ST6GALNAC3: variants seen among roughly 807,000 people sequenced by gnomAD.
The protein encoded by ST6GALNAC3 is alpha-N-acetylgalactosaminide alpha-2,6-sialyltransferase 3.
In ST6GALNAC3, 25 loss-of-function variants were observed where a neutral mutation model predicts 32.7. The observed-to-expected ratio is 0.76, with a 90% CI of 0.56 to 1.07. ST6GALNAC3 has a LOEUF of 1.07. ST6GALNAC3 is among the 50% of genes least tolerant of loss of function. The pLI, the probability that ST6GALNAC3 is intolerant of heterozygous loss-of-function variation, is 0.00. For synonymous variants in ST6GALNAC3, 129 were observed against 133.1 expected, an observed-to-expected ratio of 0.97 and a Z score of 0.21; for missense variants, 355 against 382.4, an observed-to-expected ratio of 0.93 and a Z score of 0.60.
intron 3 of ST6GALNAC3, among the ~76,000 whole-genome samples, chr1:76,421,834 T>C (rs1321128957): frequency 6.6e-6 from 1 of 151,964 alleles, no homozygotes; most frequent in East Asian, 1.9e-4. Flanking sequence ...TCAGATCATG[T>C]CACTCTCCTG....
At chr1:76,208,922 C>G (rs935787453) in intron 1 of ST6GALNAC3, among the ~76,000 whole-genome samples, 16 of 152,240 alleles carry the variant, frequency 1.1e-4, no homozygotes, top group African/African-American at 3.6e-4. Context: ...AGCTCGTTTT[C>G]CTTAACTTTT....
At chr1:76,450,717 A>G (rs1026971794) in intron 3 of ST6GALNAC3, among the ~76,000 whole-genome samples, 5 of 152,102 alleles carry the variant, frequency 3.3e-5, no homozygotes, top group African/African-American at 1.2e-4. Flanking sequence ...AGCCATCTTG[A>G]GTCGATTTTT....
chr1:76,517,703 T>C (rs998311727), intron 3 of ST6GALNAC3, among the ~76,000 whole-genome samples: 20 of 151,988 alleles, frequency 1.3e-4, no homozygotes, highest in Non-Finnish European at 2.8e-4. Context: ...AGGCTACTTA[T>C]TTTTCCTTTG....
intron 1 of ST6GALNAC3, among the ~76,000 whole-genome samples, chr1:76,215,929 A>G (rs1655433515): frequency 6.6e-6 from 1 of 152,112 alleles, no homozygotes; most frequent in Non-Finnish European, 1.5e-5. Context: ...GGCGCTGGAG[A>G]TTTACAAAGA....
chr1:76,169,537 C>T (rs1430939341), intron 1 of ST6GALNAC3, among the ~76,000 whole-genome samples: 1 of 152,086 alleles, frequency 6.6e-6, no homozygotes, highest in African/African-American at 2.4e-5. Context: ...TGCATGATGT[C>T]CTGAAATATG....
At chr1:76,628,530 C>A in intron 4 of ST6GALNAC3, 90 bp from the exon 5 acceptor site, 1 of 1,192,028 alleles carries the variant, frequency 8.4e-7, no homozygotes, top group Non-Finnish European at 1.1e-6. Context: ...TGAGTAAATG[C>A]ATTTACTGGG....
intron 1 of ST6GALNAC3, among the ~76,000 whole-genome samples, chr1:76,255,549 G>C (rs764377642): frequency 6.6e-6 from 1 of 152,100 alleles, no homozygotes; most frequent in Non-Finnish European, 1.5e-5. Flanking sequence ...CAGCCCTTGC[G>C]TATATTTTGT....
intron 2 of ST6GALNAC3, among the ~76,000 whole-genome samples, chr1:76,318,764 TA>T (rs1375437788): frequency 6.6e-6 from 1 of 152,176 alleles, no homozygotes; most frequent in African/African-American, 2.4e-5. Context: ...CACAATATCC[TA>T]AAACCCTATT....
At chr1:76,550,617 A>G (rs1252968474) in intron 3 of ST6GALNAC3, among the ~76,000 whole-genome samples, 1 of 152,170 alleles carries the variant, frequency 6.6e-6, no homozygotes, top group Non-Finnish European at 1.5e-5. Flanking sequence ...GAATCCTAAC[A>G]ATGCCACTGC....
At chr1:76,353,603 C>G (rs1649183048) in intron 2 of ST6GALNAC3, 1 of 156,498 alleles carries the variant, frequency 6.4e-6, no homozygotes, top group South Asian at 1.9e-4. Context: ...GAACTGGGGA[C>G]CAGGCTGCAG....
At position 76,417,725 on chromosome 1, in the gene ST6GALNAC3, C is replaced by T. The variant is rs573024178; in HGVS notation, c.623+5308C>T. Among the ~76,000 whole-genome samples the T allele has an allele frequency of 2.0e-3, 305 of 152,164 alleles. 2 individuals are homozygous for T. The highest frequency in any genetic ancestry group is 1.8e-3 in the Non-Finnish European group (121 of 68,006). On this transcript the variant is annotated intron_variant, in intron 3 of 4. Transcript: ENST00000328299. ...TTTAATTAAGTAATAATTGAGAAAG[C>T]GATAGTCCCCATTAAAAGAGCAAAG...
At chr1:76,189,809 T>C (rs1453150264) in intron 1 of ST6GALNAC3, among the ~76,000 whole-genome samples, 5 of 152,148 alleles carry the variant, frequency 3.3e-5, no homozygotes, top group African/African-American at 1.2e-4. Flanking sequence ...GGTCTGCTGG[T>C]GAAGGGTCTT....
chr1:76,578,806 T>G (rs1646849339), intron 3 of ST6GALNAC3, among the ~76,000 whole-genome samples: 1 of 152,008 alleles, frequency 6.6e-6, no homozygotes, highest in African/African-American at 2.4e-5. Flanking sequence ...ATTGAAATAT[T>G]GGTTTGTTTG....
chr1:76,268,060 A>T (rs1658634924), intron 1 of ST6GALNAC3, among the ~76,000 whole-genome samples: 1 of 152,148 alleles, frequency 6.6e-6, no homozygotes, highest in African/African-American at 2.4e-5. Context: ...TAGGGAAGAA[A>T]ATTGTAGTCC....
At position 76,313,954 on chromosome 1, in the gene ST6GALNAC3, G is replaced by C; in HGVS notation, c.168G>C (p.Arg56=). ...KWIPFSYTYR[R]PLRTHYGYIN... ...TACCATTCTCCTACACATACAGGCG[G>C]CCCCTTCGAACTCACTATGGATACA... The change falls in exon 2 of 5, where the codon CGG becomes CGC. Residue 56 remains arginine, a synonymous_variant. Transcript: ENST00000328299. 1 of 1,613,230 alleles carries C rather than the reference G, an allele frequency of 6.2e-7. No individual in the cohort carries two copies. Among genetic ancestry groups the C allele is most frequent in the Non-Finnish European group, 8.5e-7 (1 of 1,179,534 alleles).
rs555723846 is a variant in ST6GALNAC3 at position 76,569,664 on chromosome 1, AG to A, written c.624-57786del. On this transcript the variant is annotated intron_variant, in intron 3 of 4. Transcript: ENST00000328299. ...AATAGGACTACAATTAAGATCTCGT[AG>A]GACAGCATTTCGGGAATTTCTTCCT... Among the ~76,000 whole-genome samples, 115 of 152,262 alleles carry A rather than the reference AG, an allele frequency of 7.6e-4. 1 individual carries two copies. The highest frequency in any genetic ancestry group is 2.6e-3 in the African/African-American group (110 of 41,572).
At chr1:76,237,447 A>T (rs975737838) in intron 1 of ST6GALNAC3, among the ~76,000 whole-genome samples, 1 of 152,176 alleles carries the variant, frequency 6.6e-6, no homozygotes, top group Non-Finnish European at 1.5e-5. Context: ...GTGAGAGGAG[A>T]TGAAGGCCAC....
intron 1 of ST6GALNAC3, among the ~76,000 whole-genome samples, chr1:76,137,296 A>G (rs767188236): frequency 2.0e-5 from 3 of 152,242 alleles, no homozygotes; most frequent in Non-Finnish European, 2.9e-5. Context: ...CAGCACCCTC[A>G]GCTGTTAGCC....
chr1:76,490,548 A>G (rs1660432515), intron 3 of ST6GALNAC3, among the ~76,000 whole-genome samples: 1 of 150,854 alleles, frequency 6.6e-6, no homozygotes, highest in Admixed American at 6.6e-5. Context: ...TGTTTTGAAC[A>G]CAACTTGCGG....
Sources: allele counts gnomAD v4.1 joint callset (sites outside exome capture counted in the v4.1 genomes callset), GRCh38; gene constraint gnomAD v4.1.1; transcripts MANE v1.5; gene names NCBI Gene and HGNC (gene_info 2026-07-23, HGNC 2026-07-21).